The following KSR2 variants were observed in gnomAD, a reference collection of about 807,000 sequenced individuals.
The protein encoded by KSR2 is kinase suppressor of ras 2.
In KSR2, 25 loss-of-function variants were observed where a neutral mutation model predicts 107.8. The ratio of observed to expected loss-of-function variants is 0.23; its 90% CI spans 0.17 to 0.32. KSR2 has a LOEUF of 0.32. KSR2 is among the 10% of genes least tolerant of loss of function. The pLI is 1.00. For missense variants in KSR2, 887 were observed against 1,268.9 expected, an observed-to-expected ratio of 0.70 and a Z score of 4.57; for synonymous variants, 480 against 507.0, an observed-to-expected ratio of 0.95 and a Z score of 0.71.
At chr12:117,688,300 A>T (rs542510647) in intron 4 of KSR2, among the ~76,000 whole-genome samples, 8 of 152,306 alleles carry the variant, frequency 5.3e-5, no homozygotes, top group African/African-American at 1.9e-4. Flanking sequence ...GAATCGCTTG[A>T]ACCCGGGAGG....
At chr12:117,862,610 A>G (rs956839580) in intron 1 of KSR2, among the ~76,000 whole-genome samples, 20 of 152,182 alleles carry the variant, frequency 1.3e-4, no homozygotes, top group Non-Finnish European at 2.4e-4. Flanking sequence ...ATACCACTGC[A>G]CTCAATGCTA....
At chr12:117,839,466 G>A (rs889271592) in intron 3 of KSR2, among the ~76,000 whole-genome samples, 1 of 152,110 alleles carries the variant, frequency 6.6e-6, no homozygotes, top group Non-Finnish European at 1.5e-5. Context: ...CTGTCTCATG[G>A]GGATATCTGA....
chr12:117,775,043 T>C (rs1889638758), intron 3 of KSR2, among the ~76,000 whole-genome samples: 1 of 152,260 alleles, frequency 6.6e-6, no homozygotes, highest in African/African-American at 2.4e-5. Context: ...ACATTTTGTT[T>C]AAGCATTCCT....
At chr12:117,494,317 G>A (rs1165765185) in intron 14 of KSR2, among the ~76,000 whole-genome samples, 2 of 152,122 alleles carry the variant, frequency 1.3e-5, no homozygotes, top group African/African-American at 4.8e-5. Context: ...AGACCCCATA[G>A]GTGTTTAAAC....
intron 3 of KSR2, among the ~76,000 whole-genome samples, chr12:117,851,804 T>A (rs902765435): frequency 9.2e-5 from 14 of 151,692 alleles, no homozygotes; most frequent in African/African-American, 3.1e-4. Context: ...GGCAAGGGAA[T>A]CACTTGAATC....
At chr12:117,785,842 C>T (rs184614261) in intron 3 of KSR2, among the ~76,000 whole-genome samples, 1 of 152,196 alleles carries the variant, frequency 6.6e-6, no homozygotes, top group African/African-American at 2.4e-5. Context: ...TTCAAAAGAT[C>T]TAACTGGAGA....
chr12:117,541,667 T>C (rs1876500073), intron 9 of KSR2, among the ~76,000 whole-genome samples: 1 of 152,084 alleles, frequency 6.6e-6, no homozygotes, highest in Non-Finnish European at 1.5e-5. Context: ...TCAACAGGTA[T>C]GCTTATCTGC....
chr12:117,662,985 C>G (rs533030420), intron 5 of KSR2, among the ~76,000 whole-genome samples: 1 of 152,250 alleles, frequency 6.6e-6, no homozygotes, highest in South Asian at 2.1e-4. Context: ...CAACCTGGGA[C>G]GACAGATCCC....
At chr12:117,947,195 GAAAAGAAAGA>G (rs139610467) in intron 1 of KSR2, among the ~76,000 whole-genome samples, 5,093 of 84,104 alleles carry the variant, frequency 0.061, 237 homozygotes, top group Middle Eastern at 0.1. Flanking sequence ...AGAAAAGAAA[GAAAAGAAAGA>G]AAAGAAAGAA....
chr12:117,615,013 T>C (rs1019540256), intron 5 of KSR2, among the ~76,000 whole-genome samples: 1 of 152,068 alleles, frequency 6.6e-6, no homozygotes, highest in Non-Finnish European at 1.5e-5. Context: ...TTCAGAGACC[T>C]AGGATGCCGT....
chr12:117,866,174 C>A (rs1893464174), intron 1 of KSR2, among the ~76,000 whole-genome samples: 1 of 151,978 alleles, frequency 6.6e-6, no homozygotes, highest in Middle Eastern at 3.2e-3. Flanking sequence ...GTAGCTGGGA[C>A]AACAGGTATG....
chr12:117,635,798 T>C (rs1883040227), intron 5 of KSR2, among the ~76,000 whole-genome samples: 1 of 151,440 alleles, frequency 6.6e-6, no homozygotes, highest in South Asian at 2.1e-4. Context: ...ATGTTACTTT[T>C]TTTTTTTTTT....
intron 5 of KSR2, among the ~76,000 whole-genome samples, chr12:117,652,940 C>T (rs1883964380): frequency 6.6e-6 from 1 of 152,334 alleles, no homozygotes; most frequent in Admixed American, 6.5e-5. Flanking sequence ...GCAGAACCCC[C>T]ACATTGGCTC....
At chr12:117,763,620 A>G (rs1210853771) in intron 3 of KSR2, among the ~76,000 whole-genome samples, 2 of 152,190 alleles carry the variant, frequency 1.3e-5, no homozygotes, top group Non-Finnish European at 2.9e-5. Flanking sequence ...ACACTCAAGG[A>G]GAGGCTGAAG....
intron 7 of KSR2, among the ~76,000 whole-genome samples, chr12:117,577,213 G>C (rs1593011952): frequency 1.4e-5 from 2 of 147,486 alleles, no homozygotes; most frequent in East Asian, 3.9e-4. Flanking sequence ...AGAGCAGAAG[G>C]AGGAGTTCTC....
chr12:117,717,709 G>A (rs1284480275), intron 4 of KSR2, among the ~76,000 whole-genome samples: 1 of 142,772 alleles, frequency 7.0e-6, no homozygotes, highest in Non-Finnish European at 1.6e-5. Context: ...GTGTGTGTGT[G>A]TGTGCATGCG....
chr12:117,625,521 G>A (rs77172857), intron 5 of KSR2, among the ~76,000 whole-genome samples: 1 of 152,176 alleles, frequency 6.6e-6, no homozygotes. Flanking sequence ...ATTTGCATAT[G>A]TTGAACCAGC....
chr12:117,637,680 T>TTTTTTTTTG (rs1565938402), intron 5 of KSR2, among the ~76,000 whole-genome samples: 3 of 86,710 alleles, frequency 3.5e-5, no homozygotes, highest in East Asian at 5.3e-4. Flanking sequence ...TTTGGGTTTT[T>TTTTTTTTTG]TTTTTTTTTT....
chr12:117,738,973 G>A (rs1888055749), intron 4 of KSR2, among the ~76,000 whole-genome samples: 1 of 152,212 alleles, frequency 6.6e-6, no homozygotes, highest in African/African-American at 2.4e-5. Context: ...AGTGAGTGGT[G>A]AATGAATATG....
Sources: allele counts gnomAD v4.1 joint callset (sites outside exome capture counted in the v4.1 genomes callset), GRCh38; gene constraint gnomAD v4.1.1; transcripts MANE v1.5; gene names NCBI Gene and HGNC (gene_info 2026-07-23, HGNC 2026-07-21).